The following USH2A variants were observed in gnomAD, a reference collection of about 807,000 sequenced individuals.
The protein encoded by USH2A is usherin, also known as Usher syndrome 2A (autosomal recessive, mild).
USH2A carries 443 observed loss-of-function variants against 538.9 expected under a neutral mutation model. That is an observed-to-expected ratio of 0.82 (90% CI 0.76 to 0.89). USH2A has a LOEUF of 0.89. Ranked by LOEUF, USH2A falls within the 40% of genes least tolerant of loss-of-function variation. USH2A has a pLI of 0.00. For synonymous variants in USH2A, 2,413 were observed against 2,273.5 expected, an observed-to-expected ratio of 1.06 and a Z score of -1.75; for missense variants, 6,633 against 6,324.8, an observed-to-expected ratio of 1.05 and a Z score of -1.65.
At chr1:215,884,338 T>C (rs529563922) in intron 41 of USH2A, among the ~76,000 whole-genome samples, 1 of 152,346 alleles carries the variant, frequency 6.6e-6, no homozygotes, top group Non-Finnish European at 1.5e-5. Context: ...TTTGGAAGGA[T>C]TGTCTTGTTA....
chr1:215,751,049 G>C (rs560865659), intron 58 of USH2A, among the ~76,000 whole-genome samples: 117 of 152,206 alleles, frequency 7.7e-4, no homozygotes, highest in African/African-American at 2.7e-3. Context: ...TAAGAAAAGT[G>C]AAACAACTGT....
chr1:216,046,277 T>C (rs530591628), intron 32 of USH2A, among the ~76,000 whole-genome samples, 154 bp downstream of exon 32: 14 of 152,314 alleles, frequency 9.2e-5, no homozygotes, highest in African/African-American at 3.1e-4. Flanking sequence ...TATATTATTT[T>C]TAATTGTTCT....
At chr1:216,157,850 C>T (rs779429190) in intron 21 of USH2A, among the ~76,000 whole-genome samples, 5 of 152,286 alleles carry the variant, frequency 3.3e-5, no homozygotes, top group African/African-American at 7.2e-5. Flanking sequence ...TTGGATACCA[C>T]GCTCACTACT....
intron 67 of USH2A, among the ~76,000 whole-genome samples, chr1:215,643,087 C>T (rs1656740689): frequency 6.6e-6 from 1 of 152,144 alleles, no homozygotes; most frequent in African/African-American, 2.4e-5. Flanking sequence ...CCTCCGCCTC[C>T]CAGGTTCAAG....
intron 61 of USH2A, among the ~76,000 whole-genome samples, chr1:215,696,883 A>C (rs1282882882): frequency 6.6e-6 from 1 of 152,118 alleles, no homozygotes; most frequent in Non-Finnish European, 1.5e-5. Flanking sequence ...AAATAAAATA[A>C]ATGGTAGCAG....
intron 41 of USH2A, among the ~76,000 whole-genome samples, chr1:215,886,958 C>T (rs530837436): frequency 4.9e-4 from 74 of 152,058 alleles, no homozygotes; most frequent in South Asian, 4.2e-4. Flanking sequence ...CCCAGGTTCA[C>T]GCCATTCTCC....
intron 3 of USH2A, 34 bp from the exon 4 acceptor site, chr1:216,365,119 G>T: frequency 6.3e-7 from 1 of 1,590,770 alleles, no homozygotes; most frequent in Non-Finnish European, 8.5e-7. Context: ...TAGTTTAAGT[G>T]CATAAACTTT....
intron 27 of USH2A, among the ~76,000 whole-genome samples, chr1:216,077,129 T>A (rs527479619): frequency 6.6e-6 from 1 of 152,248 alleles, no homozygotes; most frequent in African/African-American, 2.4e-5. Context: ...CTAACACACT[T>A]GTTATGAATA....
chr1:216,267,164 T>C (rs987171450), intron 11 of USH2A, among the ~76,000 whole-genome samples: 2 of 152,066 alleles, frequency 1.3e-5, no homozygotes, highest in East Asian at 1.9e-4. Flanking sequence ...GTCAGGGATA[T>C]GGGAGGAAAA....
chr1:215,781,931 C>G, intron 54 of USH2A, 111 bp downstream of exon 54: 1 of 1,473,130 alleles, frequency 6.8e-7, no homozygotes, highest in Non-Finnish European at 9.4e-7. Context: ...CTTAACACCA[C>G]TTTGAGGAGG....
intron 9 of USH2A, among the ~76,000 whole-genome samples, chr1:216,307,255 G>A (rs1397764590): frequency 6.6e-6 from 1 of 152,130 alleles, no homozygotes; most frequent in Non-Finnish European, 1.5e-5. Flanking sequence ...TGCTCTGAGT[G>A]TTGGGGGTGT....
chr1:216,390,198 G>T (rs1023236145), intron 3 of USH2A, among the ~76,000 whole-genome samples: 1 of 152,138 alleles, frequency 6.6e-6, no homozygotes, highest in Non-Finnish European at 1.5e-5. Context: ...AAACGTGTTT[G>T]CTTTAAAATC....
chr1:216,183,986 A>G (rs2034542581), intron 20 of USH2A, among the ~76,000 whole-genome samples: 1 of 152,034 alleles, frequency 6.6e-6, no homozygotes. Context: ...TTCTGTTGAA[A>G]GAGCAAAACA....
intron 61 of USH2A, among the ~76,000 whole-genome samples, chr1:215,706,061 C>G (rs1659176106): frequency 6.6e-6 from 1 of 152,074 alleles, no homozygotes; most frequent in African/African-American, 2.4e-5. Context: ...CCTCATTTTT[C>G]AGATAAGGAA....
chr1:216,370,408 G>A (rs1010745606), intron 3 of USH2A, among the ~76,000 whole-genome samples: 1 of 151,256 alleles, frequency 6.6e-6, no homozygotes, highest in Non-Finnish European at 1.5e-5. Context: ...GGTGGCTCAC[G>A]CCTGTATTCC....
At chr1:215,811,981 GTT>G (rs753767378) in intron 49 of USH2A, among the ~76,000 whole-genome samples, 10 of 78,780 alleles carry the variant, frequency 1.3e-4, no homozygotes, top group Non-Finnish European at 2.3e-4. Flanking sequence ...AACCCCTAGG[GTT>G]TTTTTTTTTT....
chr1:215,667,802 CTGA>C (rs1657680695), intron 64 of USH2A, among the ~76,000 whole-genome samples: 2 of 152,108 alleles, frequency 1.3e-5, no homozygotes, highest in Admixed American at 6.6e-5. Flanking sequence ...CACTGGCCAA[CTGA>C]TGGAATGAGT....
chr1:215,888,547 A>G lies in USH2A; in HGVS notation c.8102T>C (p.Leu2701Pro), dbSNP rs982853731. Reference protein sequence around the residue: ...SPWTKYEYRVLMSTLHGGTNS... With the variant: ...SPWTKYEYRVPMSTLHGGTNS... ...TGTGCCTCCATGAAGAGTGCTCATC[A>G]GTACCCGATATTCATATTTTGTCCA... The change falls in exon 41 of 72, where the codon CTG becomes CCG. Residue 2701 changes from leucine (L) to proline (P), a missense_variant. Transcript: ENST00000307340. The G allele has an allele frequency of 3.1e-6, 5 of 1,614,080 alleles. No individual in the cohort carries two copies. Among genetic ancestry groups the G allele is most frequent in the Non-Finnish European group, 3.4e-6 (4 of 1,180,034 alleles).
intron 60 of USH2A, among the ~76,000 whole-genome samples, chr1:215,730,570 T>C (rs1300361201): frequency 6.6e-6 from 1 of 152,222 alleles, no homozygotes; most frequent in Non-Finnish European, 1.5e-5. Context: ...TGCTGCCATA[T>C]CAGATTAACC....
Sources: allele counts gnomAD v4.1 joint callset (sites outside exome capture counted in the v4.1 genomes callset), GRCh38; gene constraint gnomAD v4.1.1; transcripts MANE v1.5; gene names NCBI Gene and HGNC (gene_info 2026-07-23, HGNC 2026-07-21).